The following HIPK3 variants were observed in gnomAD, a reference collection of about 807,000 sequenced individuals.
The protein encoded by HIPK3 is homeodomain interacting protein kinase 3.
HIPK3 carries 47 observed loss-of-function variants against 124.2 expected under a neutral mutation model. The ratio of observed to expected loss-of-function variants is 0.38; its 90% CI spans 0.30 to 0.48. HIPK3 has a LOEUF of 0.48. Ranked by LOEUF, HIPK3 falls within the 20% of genes least tolerant of loss-of-function variation. The probability of loss-of-function intolerance (pLI) is 0.98; values close to 1 mark genes in which losing one functional copy is unlikely to be tolerated. For synonymous variants in HIPK3, 482 were observed against 515.2 expected, an observed-to-expected ratio of 0.94 and a Z score of 0.87; for missense variants, 1,286 against 1,454.3, an observed-to-expected ratio of 0.88 and a Z score of 1.88.
At chr11:33,279,740 A>G (rs1851363965) in intron 1 of HIPK3, among the ~76,000 whole-genome samples, 1 of 152,192 alleles carries the variant, frequency 6.6e-6, no homozygotes, top group African/African-American at 2.4e-5. Context: ...TAAAGAGCAT[A>G]ACCTTATTGT....
intron 2 of HIPK3, among the ~76,000 whole-genome samples, chr11:33,295,277 G>GCCCCCCCCCCCCCCACCCCCCC (rs34093915): frequency 9.4e-6 from 1 of 106,634 alleles, no homozygotes; most frequent in Admixed American, 1.0e-4. Flanking sequence ...AGCCACCACC[G>GCCCCCCCCCCCCCCACCCCCCC]CCCCCCCCCC....
At chr11:33,303,872 A>G (rs956390336) in intron 2 of HIPK3, among the ~76,000 whole-genome samples, 1 of 152,222 alleles carries the variant, frequency 6.6e-6, no homozygotes, top group Non-Finnish European at 1.5e-5. Context: ...AAAACATTGC[A>G]TTACAAAGAA....
At chr11:33,264,596 T>G (rs1481889796) in intron 1 of HIPK3, among the ~76,000 whole-genome samples, 1 of 152,236 alleles carries the variant, frequency 6.6e-6, no homozygotes, top group Non-Finnish European at 1.5e-5. Context: ...AAGAAAATTG[T>G]CTTAAGGATG....
Position 33,349,077 on chromosome 11 carries a change from A to G in HIPK3, c.2667-70A>G, listed in dbSNP as rs975124607. On this transcript the variant is annotated intron_variant, in intron 13 of 16. Transcript: ENST00000303296. Reference sequence around the variant, plus strand: ...AGTTTCATATCCTTAATTAAAGAATATAAATTTTGGCTATTTGGAGAGTAT... The same window carrying G: ...AGTTTCATATCCTTAATTAAAGAATGTAAATTTTGGCTATTTGGAGAGTAT... 2.1e-5 allele frequency: 29 copies of G among 1,401,104 alleles called. No individual in the cohort carries two copies. In the Admixed American group the frequency reaches 5.4e-4, roughly 26 times the overall value. The allele number at this position is 1,401,104 out of a possible 1,614,324, so 86.8% of individuals were successfully genotyped here.
At chr11:33,305,040 G>A (rs1004889149) in intron 2 of HIPK3, among the ~76,000 whole-genome samples, 6 of 152,136 alleles carry the variant, frequency 3.9e-5, no homozygotes, top group South Asian at 2.1e-4. Flanking sequence ...TTGCTCTGTC[G>A]CCCAGGCTGG....
At chr11:33,319,077 G>T (rs1852588074) in intron 2 of HIPK3, among the ~76,000 whole-genome samples, 2 of 152,136 alleles carry the variant, frequency 1.3e-5, no homozygotes, top group South Asian at 4.1e-4. Context: ...CAGAAACAAT[G>T]ATTTATTATT....
At position 33,339,425 on chromosome 11, in the gene HIPK3, T is replaced by C. The variant is rs779894414; in HGVS notation, c.1504T>C (p.Leu502=). 5.0e-6 allele frequency: 8 copies of C among 1,613,572 alleles called. No homozygotes were observed. The highest frequency in any genetic ancestry group is 1.7e-5 in the Admixed American group (1 of 60,018). ...KADRREFVSL[L]KKMLLIDADL... Reference sequence around the variant, plus strand: ...TGATAGAAGAGAATTTGTTAGTCTGTTGAAGAAAATGTTGCTGATTGATGC... The same window carrying C: ...TGATAGAAGAGAATTTGTTAGTCTGCTGAAGAAAATGTTGCTGATTGATGC... Residue 502 remains leucine (L), a synonymous_variant, in exon 6 of 17, where the codon TTG becomes CTG. Coordinates refer to ENST00000303296, the MANE Select transcript of HIPK3 (RefSeq NM_005734.5).
Position 33,351,754 on chromosome 11 carries a change from C to A in HIPK3, c.2954C>A (p.Thr985Lys), listed in dbSNP as rs774657507. 10 of 1,614,186 alleles carry A rather than the reference C, an allele frequency of 6.2e-6. No individual in the cohort carries two copies. Among genetic ancestry groups the A allele is most frequent in the Non-Finnish European group, 8.5e-6 (10 of 1,180,030 alleles). The change falls in exon 15 of 17, where the codon ACA (threonine) becomes AAA (lysine). Residue 985 changes from threonine to lysine, a missense_variant. Physicochemically the swap from Thr to Lys is moderately conservative, Grantham distance 78 (BLOSUM62 -1). Coordinates refer to ENST00000303296, the MANE Select transcript of HIPK3 (RefSeq NM_005734.5). Reference sequence around the variant, plus strand: ...ACAGAATTGGTATCCTCTGCTGACACAGAAACCAAGCCAGCTGTCTGTTCT... The same window carrying A: ...ACAGAATTGGTATCCTCTGCTGACAAAGAAACCAAGCCAGCTGTCTGTTCT... ...ENTELVSSAD[T>K]ETKPAVCSVV...
At chr11:33,308,712 A>G (rs951697867) in intron 2 of HIPK3, among the ~76,000 whole-genome samples, 5 of 146,686 alleles carry the variant, frequency 3.4e-5, no homozygotes, top group Non-Finnish European at 7.5e-5. Context: ...GAAAATTCTC[A>G]GGCAGTGTCT....
At chr11:33,324,347 A>G (rs1852749129) in intron 2 of HIPK3, among the ~76,000 whole-genome samples, 1 of 152,192 alleles carries the variant, frequency 6.6e-6, no homozygotes, top group African/African-American at 2.4e-5. Context: ...AACTTTCCTC[A>G]TGCTATGGTA....
At chr11:33,341,464 A>T in intron 7 of HIPK3, 99 bp from the exon 8 acceptor site, 1 of 1,189,866 alleles carries the variant, frequency 8.4e-7, no homozygotes, top group South Asian at 2.2e-5. Flanking sequence ...ACATTTTAAT[A>T]GTAGAATTAT....
intron 2 of HIPK3, among the ~76,000 whole-genome samples, chr11:33,322,167 T>A (rs1370597747): frequency 6.6e-6 from 1 of 151,842 alleles, no homozygotes; most frequent in Non-Finnish European, 1.5e-5. Context: ...ACCCAGCTAA[T>A]TTTTTGTATT....
chr11:33,272,877 G>A (rs1031177937), intron 1 of HIPK3, among the ~76,000 whole-genome samples: 1 of 119,452 alleles, frequency 8.4e-6, no homozygotes, highest in Non-Finnish European at 1.8e-5. Flanking sequence ...ATGAGGTCTT[G>A]CTTTGTCACC....
chr11:33,312,086 C>G (rs1215548800), intron 2 of HIPK3, among the ~76,000 whole-genome samples: 1 of 152,162 alleles, frequency 6.6e-6, no homozygotes, highest in African/African-American at 2.4e-5. Context: ...TCTTGAACTC[C>G]TGGCCTCAAG....
At chr11:33,339,997 G>A (rs1369968639) in intron 6 of HIPK3, among the ~76,000 whole-genome samples, 3 of 151,960 alleles carry the variant, frequency 2.0e-5, no homozygotes, top group African/African-American at 4.8e-5. Context: ...TTTTTCATGG[G>A]TCAGTAGATC....
intron 3 of HIPK3, chr11:33,335,547 C>T (rs563525103): frequency 6.6e-6 from 1 of 152,132 alleles, no homozygotes; most frequent in South Asian, 2.1e-4. Context: ...GACTAAAATT[C>T]AGATTGCAGT....
At chr11:33,316,966 TC>T (rs1852520731) in intron 2 of HIPK3, among the ~76,000 whole-genome samples, 1 of 152,184 alleles carries the variant, frequency 6.6e-6, no homozygotes, top group Admixed American at 6.5e-5. Context: ...TAAACATTAA[TC>T]TTTTTTTATT....
In HIPK3 at chr11:33,336,975, A is replaced by G. The variant is rs1236220495; in HGVS notation, c.1222-100A>G. 11 of 752,516 alleles carry G rather than the reference A, an allele frequency of 1.5e-5. No individual in the cohort carries two copies. The Admixed American group carries it at 2.3e-4, about 16-fold the overall frequency. The allele number at this position is 752,516 out of a possible 1,614,324, so 46.6% of individuals were successfully genotyped here. A position where few individuals can be genotyped will look rare whatever the true frequency, so the allele number is the denominator to read the frequency against. On this transcript the variant is annotated intron_variant, in intron 3 of 16. Transcript: ENST00000303296. ...AGTGCATTTCTTGAGGGCATAGACT[A>G]TGTATTTTCATACCTGACCTAACAT... is the stretch of plus-strand genomic sequence containing the variant.
chr11:33,301,673 A>G (rs577742276), intron 2 of HIPK3, among the ~76,000 whole-genome samples: 1 of 151,314 alleles, frequency 6.6e-6, no homozygotes, highest in East Asian at 1.9e-4. Flanking sequence ...AATCTCAGCT[A>G]CCTGGGAGGC....
Sources: allele counts gnomAD v4.1 joint callset (sites outside exome capture counted in the v4.1 genomes callset), GRCh38; gene constraint gnomAD v4.1.1; transcripts MANE v1.5; gene names NCBI Gene and HGNC (gene_info 2026-07-23, HGNC 2026-07-21).